The following AP3B1 variants were observed in gnomAD, a reference collection of about 807,000 sequenced individuals.
The protein encoded by AP3B1 is adaptor related protein complex 3 subunit beta 1.
Under a neutral mutation model 132.5 loss-of-function variants are expected in AP3B1, and 61 were observed. The observed-to-expected ratio is 0.46, with a 90% CI of 0.37 to 0.57. The LOEUF is 0.57. Ranked by LOEUF, AP3B1 falls within the 20% of genes least tolerant of loss-of-function variation. The pLI, the probability that AP3B1 is intolerant of heterozygous loss-of-function variation, is 0.00. For synonymous variants in AP3B1, 388 were observed against 438.3 expected (o/e 0.89, Z 1.43); for missense variants, 1,120 against 1,289.4 (o/e 0.87, Z 2.01).
intron 19 of AP3B1, among the ~76,000 whole-genome samples, chr5:78,113,505 C>A (rs892175003): frequency 1.3e-5 from 2 of 152,124 alleles, no homozygotes; most frequent in South Asian, 2.1e-4. Context: ...CTTAACTCAG[C>A]CTTCCAAGGT....
chr5:78,115,977 A>G, intron 18 of AP3B1, 149 bp downstream of exon 18: 1 of 695,650 alleles, frequency 1.4e-6, no homozygotes. Flanking sequence ...TGAAAACTAA[A>G]GAGTGATATA....
At chr5:78,077,518 A>G (rs1749812714) in intron 22 of AP3B1, among the ~76,000 whole-genome samples, 1 of 152,190 alleles carries the variant, frequency 6.6e-6, no homozygotes, top group Admixed American at 6.5e-5. Context: ...AAGTTAAGGA[A>G]TCATTACTAC....
chr5:78,254,403 C>T (rs190328089), intron 2 of AP3B1, among the ~76,000 whole-genome samples: 11 of 152,078 alleles, frequency 7.2e-5, no homozygotes, highest in East Asian at 3.9e-4. Flanking sequence ...AAGCCTACCT[C>T]GAGACATTTA....
intron 26 of AP3B1, among the ~76,000 whole-genome samples, chr5:78,012,090 C>T (rs552240407): frequency 2.0e-5 from 3 of 151,802 alleles, no homozygotes; most frequent in South Asian, 4.2e-4. Flanking sequence ...AACTCAAAAA[C>T]GTAACTATCA....
intron 22 of AP3B1, among the ~76,000 whole-genome samples, chr5:78,057,468 C>T (rs917750910): frequency 1.3e-5 from 2 of 152,120 alleles, no homozygotes; most frequent in Non-Finnish European, 2.9e-5. Context: ...GAAACAATTT[C>T]CCGTCTCTTC....
intron 22 of AP3B1, among the ~76,000 whole-genome samples, chr5:78,050,660 C>T (rs1366091993): frequency 1.3e-5 from 2 of 152,146 alleles, no homozygotes; most frequent in African/African-American, 4.8e-5. Flanking sequence ...TGAGGGACTT[C>T]TATAATTCAA....
chr5:78,009,211 T>C (rs779881817), intron 26 of AP3B1, among the ~76,000 whole-genome samples: 2 of 151,668 alleles, frequency 1.3e-5, no homozygotes, highest in Non-Finnish European at 2.9e-5. Context: ...TCCCAACACT[T>C]TGGGAAACCA....
intron 14 of AP3B1, among the ~76,000 whole-genome samples, chr5:78,150,775 A>AT (rs901586814): frequency 3.7e-4 from 56 of 150,650 alleles, no homozygotes; most frequent in South Asian, 8.4e-4. Flanking sequence ...TTATTTATTT[A>AT]TTTTTTTTTT....
rs79343357 is a variant in AP3B1 at position 78,114,149 on chromosome 5, G to T, written c.2078-226C>A. 4.3e-3 allele frequency among the ~76,000 whole-genome samples: 656 copies of T among 152,290 alleles called. 3 individuals are homozygous for T. Among genetic ancestry groups the T allele is most frequent in the African/African-American group, 0.015 (620 of 41,550 alleles). ...AGACAGAGGATGCTCTGACAACGAG[G>T]AGAGAAAAGCTAAGCAAAGGTGAAC... On this transcript the variant is annotated intron_variant, in intron 18 of 26. Transcript: ENST00000255194.
chr5:78,166,867 A>G (rs1447187065), intron 11 of AP3B1, among the ~76,000 whole-genome samples: 1 of 152,224 alleles, frequency 6.6e-6, no homozygotes, highest in Non-Finnish European at 1.5e-5. Context: ...CAAAGACTTA[A>G]ATCTAAGACC....
intron 2 of AP3B1, among the ~76,000 whole-genome samples, 161 bp downstream of exon 2, chr5:78,267,358 TA>T (rs1748364547): frequency 6.6e-6 from 1 of 151,926 alleles, no homozygotes; most frequent in South Asian, 2.1e-4. Context: ...TTCAATAATG[TA>T]CTTTTTTCTT....
Position 78,158,945 on chromosome 5 carries a change from G to A in AP3B1, c.1364-2578C>T, listed in dbSNP as rs553109935. Among the ~76,000 whole-genome samples, 45 of 152,184 alleles carry A rather than the reference G, an allele frequency of 3.0e-4. No individual in the cohort carries two copies. The South Asian group carries it at 4.1e-3, about 14-fold the overall frequency. ...ACTCCTGACCTCAGGTGATCCACCC[G>A]CCTTGGCCTCCCAAATGCTGGGACT... On this transcript the variant is annotated intron_variant, in intron 13 of 26. Coordinates refer to ENST00000255194, the MANE Select transcript of AP3B1 (RefSeq NM_003664.5).
At chr5:78,155,128 G>A (rs955374482) in intron 14 of AP3B1, among the ~76,000 whole-genome samples, 5 of 152,170 alleles carry the variant, frequency 3.3e-5, no homozygotes, top group Non-Finnish European at 5.9e-5. Context: ...AAAGGGACTT[G>A]GGCCTCAAGC....
In AP3B1 at chr5:78,207,593, G is replaced by C. The variant is rs909451505; in HGVS notation, c.786+8462C>G. ...AATTTTTAAAATTACAAAAAGAAAAGAAAATTCCCTAAAATAAAAGGAAGA... is the reference window on the plus strand; with the variant it reads ...AATTTTTAAAATTACAAAAAGAAAACAAAATTCCCTAAAATAAAAGGAAGA... On this transcript the variant is annotated intron_variant, in intron 7 of 26. Transcript: ENST00000255194. Among the ~76,000 whole-genome samples the C allele has an allele frequency of 2.6e-5, 4 of 151,650 alleles. No individual in the cohort carries two copies. The East Asian group carries it at 7.7e-4, about 29-fold the overall frequency.
At chr5:78,291,776 T>C (rs1749534558) in intron 1 of AP3B1, among the ~76,000 whole-genome samples, 1 of 152,120 alleles carries the variant, frequency 6.6e-6, no homozygotes, top group Non-Finnish European at 1.5e-5. Context: ...AAACTGTACT[T>C]GAGGAAAAAA....
chr5:78,188,234 G>A (rs1379687690), intron 7 of AP3B1, among the ~76,000 whole-genome samples: 1 of 152,120 alleles, frequency 6.6e-6, no homozygotes, highest in African/African-American at 2.4e-5. Flanking sequence ...TTGACAAATG[G>A]GATCTAATTA....
chr5:78,207,866 T>C, intron 7 of AP3B1, among the ~76,000 whole-genome samples: 1 of 152,130 alleles, frequency 6.6e-6, no homozygotes, highest in East Asian at 1.9e-4. Flanking sequence ...ACCAGCAAGA[T>C]GTCAAATATA....
intron 14 of AP3B1, among the ~76,000 whole-genome samples, chr5:78,144,478 C>A (rs1753297753): frequency 6.6e-6 from 1 of 152,184 alleles, no homozygotes; most frequent in Admixed American, 6.6e-5. Flanking sequence ...CCAAAGTAAA[C>A]CCTACAAAAA....
At chr5:78,137,400 C>A (rs947352704) in intron 15 of AP3B1, among the ~76,000 whole-genome samples, 1 of 152,174 alleles carries the variant, frequency 6.6e-6, no homozygotes. Flanking sequence ...TTCTCCCACA[C>A]TGACTCTCTC....
Sources: gnomAD v4.1 joint callset for allele counts (sites outside exome capture counted in the v4.1 genomes callset) on GRCh38, gnomAD v4.1.1 for gene constraint, MANE v1.5 for transcripts, NCBI Gene and HGNC (gene_info 2026-07-23, HGNC 2026-07-21) for gene names.